PRDM16: variants seen among roughly 807,000 people sequenced by gnomAD.
PRDM16 encodes the protein PR/SET domain 16.
Under a neutral mutation model 110.6 loss-of-function variants are expected in PRDM16, and 23 were observed. The ratio of observed to expected loss-of-function variants is 0.21; its 90% confidence interval spans 0.15 to 0.29. The LOEUF is 0.29. Ranked by LOEUF, PRDM16 falls within the 10% of genes least tolerant of loss-of-function variation. PRDM16 has a pLI of 1.00. For synonymous variants in PRDM16, 799 were observed against 781.8 expected (o/e 1.02, Z -0.37); for missense variants, 1,615 against 1,794.3 (o/e 0.90, Z 1.81).
chr1:3,295,487 G>A (rs1017305373), intron 3 of PRDM16, among the ~76,000 whole-genome samples: 1 of 152,186 alleles, frequency 6.6e-6, no homozygotes, highest in Non-Finnish European at 1.5e-5. Context: ...ACCAGCGTGT[G>A]GGGGCTGGGA....
At chr1:3,418,605 GGAAA>G (rs1638339559) in intron 11 of PRDM16, 58 bp from the exon 12 acceptor site, 7 of 1,134,504 alleles carry the variant, frequency 6.2e-6, no homozygotes, top group Non-Finnish European at 9.4e-6. Context: ...ACCATTTCTG[GGAAA>G]TGGCCATGTA....
rs570912865 is a variant in PRDM16, at chr1:3,361,122, G to A, written c.439-24030G>A. On this transcript the variant is annotated intron_variant, in intron 3 of 16. Transcript: ENST00000270722. ...ACAGTTTTAAGAGGCAGCATTCCTC[G>A]CCTCACATTTCGGCTCTGGGGCGTG... Among the ~76,000 whole-genome samples, 9 of 152,330 alleles carry A rather than the reference G, an allele frequency of 5.9e-5. No individual in the cohort carries two copies. The East Asian group carries it at 1.2e-3, about 20-fold the overall frequency.
chr1:3,437,314 C>T lies in PRDM16; in HGVS notation c.*3503C>T, dbSNP rs576561206. ...CAAGGGCCCTGGCGTCCTCTGCCTT[C>T]CCCGCTTCCCCATGAGCGTCTGCAA... is the stretch of plus-strand genomic sequence containing the variant. On this transcript the variant is annotated 3_prime_UTR_variant, in exon 17 of 17. Transcript: ENST00000270722. 430 of 232,916 alleles carry T rather than the reference C, an allele frequency of 1.8e-3. 2 individuals are homozygous for T. The highest frequency in any genetic ancestry group is 2.6e-3 in the Non-Finnish European group (304 of 117,800). 14.4% of individuals were successfully genotyped at this position (232,916 alleles called of 1,614,324 possible). A position where few individuals can be genotyped will look rare whatever the true frequency, so the allele number is the denominator to read the frequency against.
At position 3,265,759 on chromosome 1, in the gene PRDM16, A is replaced by G. The variant is rs1006347634; in HGVS notation, c.438+21622A>G. 2.0e-5 allele frequency among the ~76,000 whole-genome samples: 3 copies of G among 152,106 alleles called. No homozygotes were observed. The highest frequency in any genetic ancestry group is 4.4e-5 in the Non-Finnish European group (3 of 67,996). On this transcript the variant is annotated intron_variant, in intron 3 of 16. Coordinates refer to ENST00000270722, the MANE Select transcript of PRDM16 (RefSeq NM_022114.4). The surrounding 1 kb of genome is among the most constrained non-coding windows in gnomAD (Gnocchi z 4.5). Reference sequence around the variant, plus strand: ...CACAGTTAGCCCCAGCCAGACAGGCATTATCCAGCTGGCACCTCACGCTCT... The same window carrying G: ...CACAGTTAGCCCCAGCCAGACAGGCGTTATCCAGCTGGCACCTCACGCTCT...
chr1:3,109,954 A>C (rs1345894792), intron 1 of PRDM16, among the ~76,000 whole-genome samples: 43 of 132,744 alleles, frequency 3.2e-4, no homozygotes, highest in Admixed American at 5.1e-4. Flanking sequence ...GGGCTCCCCT[A>C]TGTCCTGGGT....
intron 1 of PRDM16, among the ~76,000 whole-genome samples, chr1:3,180,430 C>A (rs1352591793): frequency 6.6e-6 from 1 of 152,102 alleles, no homozygotes; most frequent in Non-Finnish European, 1.5e-5. Context: ...CGCGTAGAGG[C>A]CAGCCTGCCC....
intron 1 of PRDM16, among the ~76,000 whole-genome samples, chr1:3,113,014 T>C (rs1457310325): frequency 6.6e-6 from 1 of 152,232 alleles, no homozygotes; most frequent in Non-Finnish European, 1.5e-5. Flanking sequence ...CCCAGACTGG[T>C]GCAGGGCCTG....
At chr1:3,321,814 G>A (rs1641758695) in intron 3 of PRDM16, among the ~76,000 whole-genome samples, 1 of 150,286 alleles carries the variant, frequency 6.7e-6, no homozygotes, top group Non-Finnish European at 1.5e-5. Flanking sequence ...GTGTGTAGGT[G>A]CACATGTGTA....
At chr1:3,409,135 G>C (rs1037587901) in intron 8 of PRDM16, among the ~76,000 whole-genome samples, 1 of 150,958 alleles carries the variant, frequency 6.6e-6, no homozygotes, top group African/African-American at 2.4e-5. Context: ...ATGCATGTGA[G>C]TGTGTGAGTG....
chr1:3,143,669 G>A lies in PRDM16; in HGVS notation c.38-42456G>A, dbSNP rs987131358. Among the ~76,000 whole-genome samples the A allele has an allele frequency of 2.6e-5, 4 of 152,232 alleles. No homozygotes were observed. In the South Asian group the frequency reaches 8.3e-4, roughly 32 times the overall value. On this transcript the variant is annotated intron_variant, in intron 1 of 16. Coordinates refer to ENST00000270722, the MANE Select transcript of PRDM16 (RefSeq NM_022114.4). The surrounding 1 kb of genome is among the most constrained non-coding windows in gnomAD (Gnocchi z 4.5). The stretch of plus-strand genomic sequence containing the variant: ...TTTTTGTATTTTTAGTAGAGATGGG[G>A]TTTCATCATTGTGGTCAGGCCAGTC...
chr1:3,126,889 G>A (rs563578109), intron 1 of PRDM16, among the ~76,000 whole-genome samples: 2 of 152,326 alleles, frequency 1.3e-5, no homozygotes, highest in South Asian at 2.1e-4. Context: ...GCCCGGGCCC[G>A]CTGTCTGTTC....
chr1:3,203,842 G>C (rs932380104), intron 2 of PRDM16, among the ~76,000 whole-genome samples: 1 of 147,800 alleles, frequency 6.8e-6, no homozygotes, highest in Non-Finnish European at 1.5e-5. Context: ...AGGTGAATTC[G>C]GGGGGGGCAC....
At chr1:3,416,279 T>C (rs545458150) in intron 10 of PRDM16, among the ~76,000 whole-genome samples, 33 of 152,304 alleles carry the variant, frequency 2.2e-4, no homozygotes, top group African/African-American at 7.5e-4. Context: ...GATAAGTCCC[T>C]GGCAAGCAGG....
chr1:3,268,427 C>T (rs945839515), intron 3 of PRDM16, among the ~76,000 whole-genome samples: 1 of 152,190 alleles, frequency 6.6e-6, no homozygotes, highest in Non-Finnish European at 1.5e-5. Context: ...TTCGCAAAGC[C>T]GGTAGACCAG....
chr1:3,285,730 C>G (rs1640830493), intron 3 of PRDM16, among the ~76,000 whole-genome samples: 1 of 152,218 alleles, frequency 6.6e-6, no homozygotes, highest in Admixed American at 6.5e-5. Flanking sequence ...TCTGCTTCTC[C>G]AGATGCCAGC....
chr1:3,172,513 G>A (rs1253442955), intron 1 of PRDM16, among the ~76,000 whole-genome samples: 1 of 152,206 alleles, frequency 6.6e-6, no homozygotes, highest in African/African-American at 2.4e-5. Flanking sequence ...CCACAGTGGC[G>A]TGTGCTTCAC....
chr1:3,386,056 C>T (rs1398504302), intron 4 of PRDM16, among the ~76,000 whole-genome samples: 2 of 152,328 alleles, frequency 1.3e-5, no homozygotes, highest in Admixed American at 6.5e-5. Flanking sequence ...TTCAAGCTTG[C>T]GAGTGGCCCC....
intron 3 of PRDM16, among the ~76,000 whole-genome samples, chr1:3,261,230 G>C (rs1640159024): frequency 6.6e-6 from 1 of 152,168 alleles, no homozygotes; most frequent in East Asian, 1.9e-4. Context: ...GGGCCTTGGG[G>C]AGTGAATAAG....
At chr1:3,356,309 G>A (rs966510127) in intron 3 of PRDM16, among the ~76,000 whole-genome samples, 20 of 152,324 alleles carry the variant, frequency 1.3e-4, no homozygotes, top group Admixed American at 3.9e-4. Flanking sequence ...AGGTGACAGT[G>A]CCCCTGGCCA....
Sources: gnomAD v4.1 joint callset for allele counts (sites outside exome capture counted in the v4.1 genomes callset) on GRCh38, gnomAD v4.1.1 for gene constraint, Gnocchi (gnomAD v3.1) non-coding constraint, MANE v1.5 for transcripts, NCBI Gene and HGNC (gene_info 2026-07-23, HGNC 2026-07-21) for gene names.